Variants in FSTL4 observed in about 807,000 individuals in gnomAD.
FSTL4 encodes follistatin-related protein 4.
FSTL4 carries 28 observed loss-of-function variants against 78.2 expected under a neutral mutation model. That is an observed-to-expected ratio of 0.36 (90% CI 0.27 to 0.49). FSTL4 has a LOEUF of 0.49. FSTL4 is among the 20% of genes least tolerant of loss of function. The pLI is 0.98. For synonymous variants in FSTL4, 422 were observed against 440.5 expected (o/e 0.96, Z 0.53); for missense variants, 922 against 1,084.9 (o/e 0.85, Z 2.11).
chr5:133,481,116 G>C (rs1235854070), intron 3 of FSTL4, among the ~76,000 whole-genome samples: 1 of 152,202 alleles, frequency 6.6e-6, no homozygotes, highest in Non-Finnish European at 1.5e-5. Flanking sequence ...TGTTTACCAA[G>C]GATGTCCTGA....
At chr5:133,421,544 GGTGTGCATTCCA>G (rs1209603685) in intron 3 of FSTL4, among the ~76,000 whole-genome samples, 1 of 152,228 alleles carries the variant, frequency 6.6e-6, no homozygotes, top group Non-Finnish European at 1.5e-5. Context: ...TTGCCCTTGT[GGTGTGCATTCCA>G]CGGGGTGGCC....
chr5:133,735,203 G>A, the FSTL4 span, among the ~76,000 whole-genome samples: 1 of 152,152 alleles, frequency 6.6e-6, no homozygotes, highest in African/African-American at 2.4e-5. Context: ...AGTGGCTCAC[G>A]CCTGTAATCC....
chr5:133,501,961 A>G (rs1758507400), intron 3 of FSTL4, among the ~76,000 whole-genome samples: 1 of 152,170 alleles, frequency 6.6e-6, no homozygotes, highest in African/African-American at 2.4e-5. Context: ...GGAAGAGACC[A>G]TGTGAAGACA....
intron 6 of FSTL4, among the ~76,000 whole-genome samples, chr5:133,306,993 A>G (rs1753672492): frequency 6.6e-6 from 1 of 152,204 alleles, no homozygotes; most frequent in African/African-American, 2.4e-5. Flanking sequence ...TCATGCTACT[A>G]ATCACTTTAC....
intron 4 of FSTL4, chr5:133,334,192 TGAC>T (rs1434587495): frequency 2.0e-5 from 3 of 152,300 alleles, no homozygotes; most frequent in East Asian, 3.8e-4. Flanking sequence ...TCCATTACCA[TGAC>T]GACAAGTTCC....
At chr5:133,282,868 C>T (rs1166204179) in intron 6 of FSTL4, among the ~76,000 whole-genome samples, 1 of 152,216 alleles carries the variant, frequency 6.6e-6, no homozygotes, top group Non-Finnish European at 1.5e-5. Context: ...GAGCAGAAGC[C>T]CCTTTCCCAG....
intron 6 of FSTL4, among the ~76,000 whole-genome samples, chr5:133,303,011 G>C (rs762917140): frequency 6.6e-5 from 10 of 152,246 alleles, no homozygotes; most frequent in Non-Finnish European, 1.3e-4. Context: ...GCTGGAACAA[G>C]AGCCTTGGGC....
intron 3 of FSTL4, among the ~76,000 whole-genome samples, chr5:133,523,754 T>C (rs1759032606): frequency 1.3e-5 from 2 of 152,232 alleles, no homozygotes; most frequent in African/African-American, 4.8e-5. Flanking sequence ...TCAACAGCAG[T>C]CCAGGGACCT....
the FSTL4 span, among the ~76,000 whole-genome samples, chr5:133,715,427 T>C: frequency 6.6e-6 from 1 of 152,224 alleles, no homozygotes; most frequent in Non-Finnish European, 1.5e-5. Context: ...CATTTGCATT[T>C]TCTCATTTAG....
chr5:133,661,307 C>T, the FSTL4 span, among the ~76,000 whole-genome samples: 12 of 152,120 alleles, frequency 7.9e-5, no homozygotes, highest in Non-Finnish European at 1.3e-4. Flanking sequence ...TTGATTTTAC[C>T]GCTTACTGTC....
chr5:133,483,835 G>T (rs776916798), intron 3 of FSTL4, among the ~76,000 whole-genome samples: 5 of 152,128 alleles, frequency 3.3e-5, no homozygotes, highest in Non-Finnish European at 5.9e-5. Flanking sequence ...TGCCTCCTTG[G>T]CTCTCACCCA....
At chr5:133,270,494 G>T (rs1383916628) in intron 6 of FSTL4, among the ~76,000 whole-genome samples, 1 of 152,194 alleles carries the variant, frequency 6.6e-6, no homozygotes, top group African/African-American at 2.4e-5. Context: ...CGGCGTGGCA[G>T]CTGAAGGGCA....
chr5:133,680,362 A>G, the FSTL4 span, among the ~76,000 whole-genome samples: 1 of 152,140 alleles, frequency 6.6e-6, no homozygotes, highest in Non-Finnish European at 1.5e-5. Context: ...TTTCCACCAG[A>G]CGTGTAGCAC....
chr5:133,774,184 C>G, the FSTL4 span, among the ~76,000 whole-genome samples: 4 of 152,148 alleles, frequency 2.6e-5, no homozygotes, highest in Non-Finnish European at 4.4e-5. Flanking sequence ...AGGAGTTTCT[C>G]ATCATCTGTA....
chr5:133,381,244 A>G (rs997691858), intron 4 of FSTL4, among the ~76,000 whole-genome samples: 4 of 152,224 alleles, frequency 2.6e-5, no homozygotes, highest in African/African-American at 4.8e-5. Flanking sequence ...CCAAATGGGA[A>G]TTAACCCAAA....
chr5:133,309,723 G>T (rs953045909), intron 6 of FSTL4, among the ~76,000 whole-genome samples: 2 of 152,162 alleles, frequency 1.3e-5, no homozygotes, highest in African/African-American at 4.8e-5. Flanking sequence ...CCTTCTCTGG[G>T]TACAACAGCC....
chr5:133,814,780 A>G, the FSTL4 span, among the ~76,000 whole-genome samples: 1 of 152,260 alleles, frequency 6.6e-6, no homozygotes, highest in Non-Finnish European at 1.5e-5. Context: ...TGCAACAATG[A>G]GAAAGATGTT....
the FSTL4 span, among the ~76,000 whole-genome samples, chr5:133,619,189 C>G: frequency 4.6e-5 from 7 of 152,062 alleles, no homozygotes; most frequent in African/African-American, 1.4e-4. Context: ...TCTTTTCCCT[C>G]TTGATACTTT....
At chr5:133,359,869 C>T (rs1430793460) in intron 4 of FSTL4, among the ~76,000 whole-genome samples, 1 of 152,212 alleles carries the variant, frequency 6.6e-6, no homozygotes, top group Non-Finnish European at 1.5e-5. Flanking sequence ...CGGGAGCTTT[C>T]CCGGGGAGCC....
Sources: allele counts gnomAD v4.1 joint callset (sites outside exome capture counted in the v4.1 genomes callset), GRCh38; gene constraint gnomAD v4.1.1; transcripts MANE v1.5; gene names NCBI Gene and HGNC (gene_info 2026-07-23, HGNC 2026-07-21).